The following TGFBR1 variants were observed in gnomAD, a reference collection of about 807,000 sequenced individuals.
TGFBR1 encodes TGF-beta receptor type-1.
Under a neutral mutation model 55.1 loss-of-function variants are expected in TGFBR1, and 20 were observed. That is an observed-to-expected ratio of 0.36 (90% CI 0.26 to 0.53). The LOEUF (loss-of-function observed/expected upper bound fraction) is 0.53. TGFBR1 is among the 20% of genes least tolerant of loss of function. The pLI, the probability that TGFBR1 is intolerant of heterozygous loss-of-function variation, is 0.91. For synonymous variants in TGFBR1, 220 were observed against 214.8 expected, an observed-to-expected ratio of 1.02 and a Z score of -0.21; for missense variants, 385 against 617.6, an observed-to-expected ratio of 0.62 and a Z score of 3.99.
chr9:99,147,821 A>G (rs751875925), intron 8 of TGFBR1, 37 bp downstream of exon 8: 1 of 1,612,640 alleles, frequency 6.2e-7, no homozygotes, highest in Non-Finnish European at 8.5e-7. Flanking sequence ...AATTTTCTAA[A>G]CTGCTTCTGC....
rs1827121917 is a variant in TGFBR1 at position 99,128,880 on chromosome 9, T to C, written c.123T>C (p.Cys41=). ...ATALQCFCHL[C]TKDNFTCVTD... is the part of the protein sequence containing the mutation. ...CGTTACAGTGTTTCTGCCACCTCTG[T>C]ACAAAAGACAATTTTACTTGTGTGA... The change falls in exon 2 of 9, where the codon TGT becomes TGC. Residue 41 remains cysteine, a synonymous_variant. Coordinates refer to ENST00000374994, the MANE Select transcript of TGFBR1 (RefSeq NM_004612.4). 2 of 1,613,882 alleles carry C rather than the reference T, an allele frequency of 1.2e-6. No homozygotes were observed. The highest frequency in any genetic ancestry group is 1.7e-6 in the Non-Finnish European group (2 of 1,179,898).
At chr9:99,148,778 G>A (rs11568803) in intron 8 of TGFBR1, among the ~76,000 whole-genome samples, 9,717 of 151,846 alleles carry the variant, frequency 0.064, 387 homozygotes, top group Middle Eastern at 0.075. Flanking sequence ...GCTGCAGTGA[G>A]CTGAGGGCAT....
intron 1 of TGFBR1, among the ~76,000 whole-genome samples, chr9:99,108,277 T>TA (rs34168508): frequency 0.23 from 34,292 of 152,058 alleles, 4,069 homozygotes; most frequent in East Asian, 0.43. Context: ...ATGCAGAAAA[T>TA]GGGGCAATAC....
chr9:99,106,343 A>G (rs1222960621), intron 1 of TGFBR1, among the ~76,000 whole-genome samples: 1 of 152,248 alleles, frequency 6.6e-6, no homozygotes, highest in African/African-American at 2.4e-5. Context: ...GAACTGAGAC[A>G]CTAGAAGCTA....
chr9:99,134,825 T>TC (rs1827376545), intron 3 of TGFBR1, among the ~76,000 whole-genome samples: 1 of 107,810 alleles, frequency 9.3e-6, no homozygotes, highest in African/African-American at 3.3e-5. Flanking sequence ...TATATATATA[T>TC]ATATATATAT....
intron 1 of TGFBR1, among the ~76,000 whole-genome samples, chr9:99,108,463 T>C (rs1269831043): frequency 1.3e-5 from 2 of 152,236 alleles, no homozygotes; most frequent in African/African-American, 4.8e-5. Flanking sequence ...ACCCTTGTAG[T>C]GCCAGTTGTT....
chr9:99,146,527 A>T lies in TGFBR1; in HGVS notation c.1173A>T (p.Lys391Asn). The change falls in exon 7 of 9, where the codon AAA becomes AAT. Residue 391 changes from lysine (K) to asparagine (N), a missense_variant. By Grantham distance (94) the Lys-to-Asn change is moderately conservative. Around this residue, in one of 5 missense-constraint regions of TGFBR1, gnomAD observed 110 missense variants for 154.6 expected, o/e 0.71. Transcript: ENST00000374994. ...PEVLDDSINMKHFESFKRADI... is the reference protein window; with the variant it reads ...PEVLDDSINMNHFESFKRADI... ...TTCTCGATGATTCCATAAATATGAA[A>T]CATTTTGAATCCTTCAAACGTGCTG... 6.2e-7 allele frequency: 1 copy of T among 1,613,986 alleles called. No individual in the cohort carries two copies. Among genetic ancestry groups the T allele is most frequent in the Non-Finnish European group, 8.5e-7 (1 of 1,179,912 alleles).
At chr9:99,135,704 T>G (rs960167014) in intron 3 of TGFBR1, among the ~76,000 whole-genome samples, 4 of 152,324 alleles carry the variant, frequency 2.6e-5, no homozygotes, top group African/African-American at 7.2e-5. Flanking sequence ...GGGTCTTATT[T>G]CCTGTTCACT....
chr9:99,117,110 G>A (rs939808795), intron 1 of TGFBR1, among the ~76,000 whole-genome samples: 5 of 152,218 alleles, frequency 3.3e-5, no homozygotes, highest in African/African-American at 7.2e-5. Flanking sequence ...CAGATGAGAC[G>A]GAGTCTCACT....
intron 1 of TGFBR1, among the ~76,000 whole-genome samples, chr9:99,115,983 C>G (rs1306800156): frequency 1.3e-5 from 2 of 152,186 alleles, no homozygotes; most frequent in African/African-American, 2.4e-5. Context: ...CAGATTAACA[C>G]AGCATTGTAG....
rs3739798 is a variant in TGFBR1, at chr9:99,152,530, G to A, written c.*3225G>A. The A allele has an allele frequency of 0.045, 10,432 of 230,400 alleles. 1,759 individuals carry two copies. Among genetic ancestry groups the A allele is most frequent in the East Asian group, 0.44 (7,084 of 16,268 alleles). 14.3% of individuals were successfully genotyped at this position (230,400 alleles called of 1,614,324 possible). On this transcript the variant is annotated 3_prime_UTR_variant, in exon 9 of 9. Coordinates refer to ENST00000374994, the MANE Select transcript of TGFBR1 (RefSeq NM_004612.4). Reference sequence around the variant, plus strand: ...GTCACTTGGCGATTTTGTAGTACATGCATGAGTTACCTTTTTTCTCTATGT... The same window carrying A: ...GTCACTTGGCGATTTTGTAGTACATACATGAGTTACCTTTTTTCTCTATGT...
chr9:99,109,632 G>A (rs1826507058), intron 1 of TGFBR1, among the ~76,000 whole-genome samples: 1 of 152,176 alleles, frequency 6.6e-6, no homozygotes, highest in Non-Finnish European at 1.5e-5. Context: ...GTGAGAACGT[G>A]TCTCTTCAAA....
chr9:99,130,135 C>A (rs762637326), intron 2 of TGFBR1, among the ~76,000 whole-genome samples: 1 of 152,138 alleles, frequency 6.6e-6, no homozygotes, highest in Non-Finnish European at 1.5e-5. Flanking sequence ...TGAGGAACTT[C>A]TGCAATTTAC....
chr9:99,110,843 T>C (rs374210864), intron 1 of TGFBR1, among the ~76,000 whole-genome samples: 2 of 152,252 alleles, frequency 1.3e-5, no homozygotes, highest in East Asian at 3.8e-4. Flanking sequence ...TAATGAAAGG[T>C]GGAGCCTTCA....
intron 1 of TGFBR1, among the ~76,000 whole-genome samples, chr9:99,124,238 T>C (rs1826972360): frequency 6.6e-6 from 1 of 152,114 alleles, no homozygotes; most frequent in Admixed American, 6.6e-5. Context: ...ACTCAGGATT[T>C]TAATTATCTG....
At chr9:99,142,191 A>G (rs566426069) in intron 4 of TGFBR1, among the ~76,000 whole-genome samples, 82 of 152,016 alleles carry the variant, frequency 5.4e-4, no homozygotes, top group African/African-American at 1.9e-3. Context: ...AGGAACAGCC[A>G]CTGAGCACCC....
intron 5 of TGFBR1, among the ~76,000 whole-genome samples, chr9:99,144,321 G>T (rs1827722476): frequency 6.6e-6 from 1 of 152,108 alleles, no homozygotes; most frequent in South Asian, 2.1e-4. Flanking sequence ...ATTTTCTAGT[G>T]GTTAGCATCA....
At chr9:99,113,258 T>C (rs1826637346) in intron 1 of TGFBR1, among the ~76,000 whole-genome samples, 1 of 152,232 alleles carries the variant, frequency 6.6e-6, no homozygotes, top group East Asian at 1.9e-4. Flanking sequence ...AGTTTCCTGC[T>C]TGCGGCCTAG....
chr9:99,109,961 A>G (rs1329662075), intron 1 of TGFBR1, among the ~76,000 whole-genome samples: 1 of 152,200 alleles, frequency 6.6e-6, no homozygotes, highest in Non-Finnish European at 1.5e-5. Context: ...AATTTTCTCA[A>G]TGTCAAATCC....
Sources: gnomAD v4.1 joint callset for allele counts (sites outside exome capture counted in the v4.1 genomes callset) on GRCh38, gnomAD v4.1.1 for gene constraint, gnomAD v4.1.1 regional missense constraint, MANE v1.5 for transcripts, NCBI Gene and HGNC (gene_info 2026-07-23, HGNC 2026-07-21) for gene names.